Variants in GDF1 observed in about 807,000 individuals in gnomAD.
GDF1 encodes the protein growth differentiation factor 1.
Under a neutral mutation model 7.4 loss-of-function variants are expected in GDF1, and 8 were observed. That is an observed-to-expected ratio of 1.09 (90% CI 0.64 to 1.96). The LOEUF is 1.96. GDF1 is among the 30% of genes most tolerant of loss of function. GDF1 has a pLI of 0.00. For synonymous variants in GDF1, 311 were observed against 276.7 expected, an observed-to-expected ratio of 1.12 and a Z score of -1.23; for missense variants, 574 against 551.5, an observed-to-expected ratio of 1.04 and a Z score of -0.41.
chr19:18,874,897 A>G (rs1176638262), intron 6 of GDF1, among the ~76,000 whole-genome samples: 1 of 152,170 alleles, frequency 6.6e-6, no homozygotes, highest in Non-Finnish European at 1.5e-5. Context: ...GAGTTACCTA[A>G]AAGTGGTTCT....
intron 6 of GDF1, among the ~76,000 whole-genome samples, chr19:18,875,614 T>G (rs1215838070): frequency 5.3e-5 from 8 of 152,098 alleles, no homozygotes; most frequent in Non-Finnish European, 8.8e-5. Context: ...CTCTCTCTGC[T>G]GTGGAGAGCT....
rs1047427225 is a variant in GDF1, at chr19:18,870,513, G to C, written c.-206C>G. The C allele has an allele frequency of 1.0e-5, 5 of 495,612 alleles. No homozygotes were observed. The African/African-American group carries it at 1.1e-4, about 11-fold the overall frequency. 30.7% of individuals were successfully genotyped at this position (495,612 alleles called of 1,614,324 possible). ...TTGGAGGGGGTGGAGGGGCGGCCAA[G>C]GACGGGGAGCGTGGCCGGGGTATTC... is the stretch of plus-strand genomic sequence containing the variant. On this transcript the variant is annotated 5_prime_UTR_variant, in exon 7 of 8. Coordinates refer to ENST00000247005, the MANE Select transcript of GDF1 (RefSeq NM_001492.6). This position sits in a 1 kb window ranked among gnomAD's most constrained non-coding sequence, Gnocchi z 5.1.
At chr19:18,887,328 T>C (rs958825094) in intron 2 of GDF1, among the ~76,000 whole-genome samples, 5 of 152,128 alleles carry the variant, frequency 3.3e-5, no homozygotes, top group East Asian at 3.9e-4. Flanking sequence ...AGGAAGTAGA[T>C]TGGTGGCTGC....
chr19:18,876,536 TTG>T lies in GDF1; in HGVS notation c.-313+2392_-313+2393del, dbSNP rs60266196. ...TTTGTTTTGTTTTGTTTTGATTGGGTTGTGTGTGTGTGTGTGTGTGTGTGTGT... is the reference window on the plus strand; with the variant it reads ...TTTGTTTTGTTTTGTTTTGATTGGGTTGTGTGTGTGTGTGTGTGTGTGTGT... On this transcript the variant is annotated intron_variant, in intron 6 of 7. Transcript: ENST00000247005. 6.6e-4 allele frequency among the ~76,000 whole-genome samples: 95 copies of T among 143,228 alleles called. 1 individual carries two copies. Among genetic ancestry groups the T allele is most frequent in the South Asian group, 2.9e-3 (13 of 4,480 alleles). The allele number at this position is 143,228 out of a possible 152,430, so 94.0% of individuals were successfully genotyped here. A position where few individuals can be genotyped will look rare whatever the true frequency, so the allele number is the denominator to read the frequency against.
intron 2 of GDF1, among the ~76,000 whole-genome samples, chr19:18,888,818 G>A (rs529098732): frequency 6.6e-5 from 10 of 150,572 alleles, no homozygotes; most frequent in African/African-American, 1.2e-4. Context: ...CAACAAGAGC[G>A]AAACTCTGTC....
intron 3 of GDF1, chr19:18,882,203 T>C (rs2056228295): frequency 6.5e-6 from 1 of 154,414 alleles, no homozygotes; most frequent in Non-Finnish European, 1.5e-5. Flanking sequence ...AGCCTTGAAT[T>C]ATAGAACTTT....
At position 18,893,493 on chromosome 19, in the gene GDF1, C is replaced by G; in HGVS notation, c.-991G>C. 6.2e-7 allele frequency: 1 copy of G among 1,608,816 alleles called. No homozygotes were observed. The highest frequency in any genetic ancestry group is 8.5e-7 in the Non-Finnish European group (1 of 1,177,896). Reference sequence around the variant, plus strand: ...CAGGTAGGCACTGTAGCTCCAGCTGCCCAGGTAGAAGAGAAACTTCCAAGC... The same window carrying G: ...CAGGTAGGCACTGTAGCTCCAGCTGGCCAGGTAGAAGAGAAACTTCCAAGC... On this transcript the variant is annotated 5_prime_UTR_variant, in exon 2 of 8. Transcript: ENST00000247005.
At chr19:18,875,966 A>C (rs1379071170) in intron 6 of GDF1, among the ~76,000 whole-genome samples, 1 of 152,222 alleles carries the variant, frequency 6.6e-6, no homozygotes, top group Non-Finnish European at 1.5e-5. Context: ...ATCCAGAAAT[A>C]TTAGAGAATA....
chr19:18,880,393 G>C lies in GDF1; in HGVS notation c.-690C>G. 1 of 1,587,160 alleles carries C rather than the reference G, an allele frequency of 6.3e-7. No homozygotes were observed. The highest frequency in any genetic ancestry group is 8.6e-7 in the Non-Finnish European group (1 of 1,166,884). On this transcript the variant is annotated 5_prime_UTR_variant, in exon 4 of 8. The change creates a new upstream start codon in the 5' untranslated region. Coordinates refer to ENST00000247005, the MANE Select transcript of GDF1 (RefSeq NM_001492.6). ...TGGTGAACTCAAGCTGCACGTCACT[G>C]ATATCGTGCAGGAAGAGCACAAGGA...
At position 18,893,568 on chromosome 19, in the gene GDF1, G is replaced by A. The variant is rs374895377; in HGVS notation, c.-1066C>T. On this transcript the variant is annotated 5_prime_UTR_variant, in exon 2 of 8. Coordinates refer to ENST00000247005, the MANE Select transcript of GDF1 (RefSeq NM_001492.6). ...TCTGGGCTGGAGGCAGCACCGCTTC[G>A]CCAGGGGCTATGGGGGAGAAGACAG... The A allele has an allele frequency of 3.2e-4, 507 of 1,607,730 alleles. 1 individual carries two copies. The highest frequency in any genetic ancestry group is 3.9e-4 in the Non-Finnish European group (462 of 1,177,920).
chr19:18,894,275 C>G (rs928071290), intron 1 of GDF1, among the ~76,000 whole-genome samples: 1 of 151,838 alleles, frequency 6.6e-6, no homozygotes, highest in Non-Finnish European at 1.5e-5. Flanking sequence ...GGGCGCGGCT[C>G]CAGAGCTGCC....
At chr19:18,885,511 G>GTTTTTTTTT (rs59793456) in intron 2 of GDF1, among the ~76,000 whole-genome samples, 7 of 22,124 alleles carry the variant, frequency 3.2e-4, no homozygotes, top group Admixed American at 1.4e-3. Context: ...GCCCCTTCTC[G>GTTTTTTTTT]TTTTTTTTTT....
Position 18,868,683 on chromosome 19 carries a change from T to C in GDF1, c.1033A>G (p.Ile345Val), listed in dbSNP as rs1243346241. The change falls in exon 8 of 8, where the codon ATC (isoleucine) becomes GTC (valine). Residue 345 changes from isoleucine to valine, a missense_variant. Transcript: ENST00000247005. ...PCCVPARLSPISVLFFDNSDN... is the reference protein window; with the variant it reads ...PCCVPARLSPVSVLFFDNSDN... ...CTGTTGTCAAAGAAGAGCACGGAGATGGGCGACAGGCGCGCGGGCACGCAG... is the reference window on the plus strand; with the variant it reads ...CTGTTGTCAAAGAAGAGCACGGAGACGGGCGACAGGCGCGCGGGCACGCAG... 1.3e-6 allele frequency: 2 copies of C among 1,568,788 alleles called. No homozygotes were observed. The highest frequency in any genetic ancestry group is 1.7e-6 in the Non-Finnish European group (2 of 1,156,952).
chr19:18,872,249 T>A (rs1325429640), intron 6 of GDF1, among the ~76,000 whole-genome samples: 1 of 152,274 alleles, frequency 6.6e-6, no homozygotes, highest in Admixed American at 6.5e-5. Flanking sequence ...CAAAGTGTTC[T>A]CTACCCACTC....
At chr19:18,888,892 T>TTC (rs200964454) in intron 2 of GDF1, among the ~76,000 whole-genome samples, 3 of 145,694 alleles carry the variant, frequency 2.1e-5, no homozygotes, top group African/African-American at 5.1e-5. Flanking sequence ...TTTCTTTCTT[T>TTC]TTTTTTTTTT....
At chr19:18,884,028 A>G in intron 3 of GDF1, 59 bp downstream of exon 3, 5 of 1,542,478 alleles carry the variant, frequency 3.2e-6, no homozygotes, top group Non-Finnish European at 4.4e-6. Context: ...CCGCAACATC[A>G]GCCTCCGCAC....
At position 18,868,978 on chromosome 19, in the gene GDF1, G is replaced by A. The variant is rs2055907708; in HGVS notation, c.738C>T (p.His246=). Residue 246 remains histidine, a synonymous_variant, in exon 8 of 8, where the codon CAC becomes CAT. Transcript: ENST00000247005. The part of the protein sequence containing the change: ...LLVTLDPRLC[H]PLARPRRDAE... The stretch of plus-strand genomic sequence containing the variant: ...CGTCGCGCCGCGGCCGGGCCAGGGG[G>A]TGGCACAGGCGCGGGTCGAGGGTCA... 1 of 1,139,954 alleles carries A rather than the reference G, an allele frequency of 8.8e-7. No individual in the cohort carries two copies. Among genetic ancestry groups the A allele is most frequent in the Admixed American group, 5.1e-5 (1 of 19,522 alleles). 70.6% of individuals were successfully genotyped at this position (1,139,954 alleles called of 1,614,324 possible). A position where few individuals can be genotyped will look rare whatever the true frequency, so the allele number is the denominator to read the frequency against.
In GDF1 at chr19:18,878,985, C is replaced by T. The variant is rs369933386; in HGVS notation, c.-368G>A. 1 of 1,613,848 alleles carries T rather than the reference C, an allele frequency of 6.2e-7. No homozygotes were observed. Among genetic ancestry groups the T allele is most frequent in the Non-Finnish European group, 8.5e-7 (1 of 1,179,852 alleles). Reference sequence around the variant, plus strand: ...TCGGCTGTGTCATACTCCCGCAGGTCCTTCAGCTCGTGCACCTGGCCTGTC... The same window carrying T: ...TCGGCTGTGTCATACTCCCGCAGGTTCTTCAGCTCGTGCACCTGGCCTGTC... On this transcript the variant is annotated 5_prime_UTR_variant, in exon 6 of 8. Transcript: ENST00000247005. This position sits in a 1 kb window ranked among gnomAD's most constrained non-coding sequence, Gnocchi z 4.6.
intron 3 of GDF1, among the ~76,000 whole-genome samples, chr19:18,882,409 G>T (rs1361395863): frequency 6.6e-6 from 1 of 151,480 alleles, no homozygotes; most frequent in Non-Finnish European, 1.5e-5. Flanking sequence ...GAGGCAGGTG[G>T]ATCACTTGAG....
Sources: gnomAD v4.1 joint callset for allele counts (sites outside exome capture counted in the v4.1 genomes callset) on GRCh38, gnomAD v4.1.1 for gene constraint, Gnocchi (gnomAD v3.1) non-coding constraint, MANE v1.5 for transcripts, NCBI Gene and HGNC (gene_info 2026-07-23, HGNC 2026-07-21) for gene names.